The following SV2C variants were observed in gnomAD, a reference collection of about 807,000 sequenced individuals.
SV2C encodes synaptic vesicle glycoprotein 2C, also known as solute carrier family 22 member B3.
In SV2C, 49 loss-of-function variants were observed where a neutral mutation model predicts 79.7. The ratio of observed to expected loss-of-function variants is 0.61; its 90% CI spans 0.49 to 0.78. SV2C has a LOEUF of 0.78. Among genes scored for constraint, SV2C ranks in the 30% least tolerant of loss-of-function variants. The pLI is 0.00. For synonymous variants in SV2C, 334 were observed against 333.2 expected (o/e 1.00, Z -0.03); for missense variants, 833 against 912.9 (o/e 0.91, Z 1.13).
At chr5:76,187,414 C>T (rs1743955218) in intron 2 of SV2C, among the ~76,000 whole-genome samples, 1 of 152,170 alleles carries the variant, frequency 6.6e-6, no homozygotes, top group Non-Finnish European at 1.5e-5. Context: ...CATGTTTGGT[C>T]TCTGCTTGGA....
At chr5:75,949,294 T>C in the SV2C span, among the ~76,000 whole-genome samples, 1 of 152,072 alleles carries the variant, frequency 6.6e-6, no homozygotes, top group African/African-American at 2.4e-5. Flanking sequence ...CAGATACTTC[T>C]TTATAGCAAT....
chr5:76,272,275 T>C (rs192543948), intron 4 of SV2C, among the ~76,000 whole-genome samples: 49 of 152,254 alleles, frequency 3.2e-4, no homozygotes, highest in African/African-American at 1.0e-3. Context: ...GGGAGAAAAA[T>C]CTTTCACCTA....
intron 1 of SV2C, among the ~76,000 whole-genome samples, chr5:76,107,115 A>G (rs7711218): frequency 0.2 from 30,640 of 152,216 alleles, 3,419 homozygotes; most frequent in East Asian, 0.45. Context: ...AGGAATAACC[A>G]AATAATCCAA....
At chr5:76,077,387 G>A in the SV2C span, among the ~76,000 whole-genome samples, 14 of 152,306 alleles carry the variant, frequency 9.2e-5, no homozygotes, top group Admixed American at 9.1e-4. Flanking sequence ...TAGATAAATA[G>A]AGATTTAAGA....
At chr5:76,057,058 C>A in the SV2C span, among the ~76,000 whole-genome samples, 1 of 151,998 alleles carries the variant, frequency 6.6e-6, no homozygotes, top group Admixed American at 6.6e-5. Context: ...TTTGCTCTTG[C>A]TTTTCTAGTT....
intron 2 of SV2C, among the ~76,000 whole-genome samples, chr5:76,180,188 C>G (rs993308336): frequency 6.6e-6 from 1 of 152,094 alleles, no homozygotes; most frequent in Non-Finnish European, 1.5e-5. Context: ...GAACATAGAT[C>G]AAAAATTGTT....
intron 4 of SV2C, among the ~76,000 whole-genome samples, chr5:76,261,914 T>G (rs1325829827): frequency 6.6e-6 from 1 of 152,206 alleles, no homozygotes; most frequent in Non-Finnish European, 1.5e-5. Context: ...CTTTTTCAGT[T>G]GTGTCTCTGC....
chr5:75,966,811 G>A, the SV2C span, among the ~76,000 whole-genome samples: 1 of 152,062 alleles, frequency 6.6e-6, no homozygotes, highest in Non-Finnish European at 1.5e-5. Context: ...AACCCTCCTG[G>A]ACTAAGCCCC....
chr5:76,190,505 G>A (rs758342541), intron 2 of SV2C, among the ~76,000 whole-genome samples: 42 of 152,180 alleles, frequency 2.8e-4, no homozygotes, highest in Non-Finnish European at 1.3e-4. Flanking sequence ...TTGCCCAGGG[G>A]ATCTGATCAG....
At chr5:75,910,739 CAA>C in the SV2C span, 1 of 1,372,796 alleles carries the variant, frequency 7.3e-7, no homozygotes, top group Non-Finnish European at 1.0e-6. Flanking sequence ...AGATCTGAAC[CAA>C]AAACTACTAG....
At chr5:76,208,580 G>A (rs561460960) in intron 3 of SV2C, among the ~76,000 whole-genome samples, 1 of 152,102 alleles carries the variant, frequency 6.6e-6, no homozygotes. Flanking sequence ...TAAGAACACT[G>A]CCAATACTTC....
chr5:76,077,272 C>A, the SV2C span, among the ~76,000 whole-genome samples: 5,520 of 152,010 alleles, frequency 0.036, 339 homozygotes, highest in African/African-American at 0.13. Flanking sequence ...AATAGCATAA[C>A]GGGAACGAAA....
intron 1 of SV2C, among the ~76,000 whole-genome samples, chr5:76,097,865 G>C (rs1319859454): frequency 6.6e-6 from 1 of 152,086 alleles, no homozygotes; most frequent in Non-Finnish European, 1.5e-5. Flanking sequence ...TTCTCTCTCT[G>C]GCAGTAGTTG....
At chr5:75,999,375 AAG>A in the SV2C span, among the ~76,000 whole-genome samples, 4,110 of 134,644 alleles carry the variant, frequency 0.031, 131 homozygotes, top group Admixed American at 0.086. Flanking sequence ...GGGAGGGAGA[AAG>A]AGAGAGAGAG....
intron 1 of SV2C, among the ~76,000 whole-genome samples, chr5:76,121,095 G>T (rs1048728436): frequency 1.3e-5 from 2 of 150,652 alleles, no homozygotes; most frequent in African/African-American, 2.5e-5. Flanking sequence ...TTGTGGTTTT[G>T]ATTTGCATTT....
the SV2C span, among the ~76,000 whole-genome samples, chr5:75,968,908 T>A: frequency 2.0e-5 from 3 of 152,176 alleles, no homozygotes; most frequent in Non-Finnish European, 4.4e-5. Flanking sequence ...GGAAAAAATG[T>A]TAACGGCAGC....
At position 76,246,972 on chromosome 5, in the gene SV2C, A is replaced by G. The variant is rs13156678; in HGVS notation, c.913+37085A>G. Among the ~76,000 whole-genome samples, 351 of 152,342 alleles carry G rather than the reference A, an allele frequency of 2.3e-3. 2 individuals are homozygous for G. The highest frequency in any genetic ancestry group is 3.9e-3 in the Non-Finnish European group (263 of 68,026). On this transcript the variant is annotated intron_variant, in intron 4 of 12. Transcript: ENST00000502798. ...TATGGGTGGAGGTACGAAGAGATTC[A>G]GGTGGCATCTTTGCTTTTCCTCTGA...
chr5:76,056,871 T>C, the SV2C span, among the ~76,000 whole-genome samples: 1 of 152,046 alleles, frequency 6.6e-6, no homozygotes. Flanking sequence ...TATCATGTTT[T>C]ATTGTGTCTA....
the SV2C span, among the ~76,000 whole-genome samples, chr5:76,064,924 C>T: frequency 2.0e-5 from 3 of 152,100 alleles, no homozygotes; most frequent in Non-Finnish European, 4.4e-5. Flanking sequence ...AGCTATTTTC[C>T]TGTCTTCCTT....
Sources: gnomAD v4.1 joint callset for allele counts (sites outside exome capture counted in the v4.1 genomes callset) on GRCh38, gnomAD v4.1.1 for gene constraint, MANE v1.5 for transcripts, NCBI Gene and HGNC (gene_info 2026-07-23, HGNC 2026-07-21) for gene names.